HBP1: variants seen among roughly 807,000 people sequenced by gnomAD.
The protein encoded by HBP1 is HMG box-containing protein 1.
In HBP1, 20 loss-of-function variants were observed where a neutral mutation model predicts 62.6. The ratio of observed to expected loss-of-function variants is 0.32; its 90% confidence interval spans 0.22 to 0.46. HBP1 has a LOEUF of 0.46. Among genes scored for constraint, HBP1 ranks in the 20% least tolerant of loss-of-function variants. The probability of loss-of-function intolerance (pLI) is 1.00; values close to 1 mark genes in which losing one functional copy is unlikely to be tolerated. For synonymous variants in HBP1, 232 were observed against 206.2 expected, an observed-to-expected ratio of 1.12 and a Z score of -1.07; for missense variants, 480 against 611.8, an observed-to-expected ratio of 0.78 and a Z score of 2.27.
chr7:107,182,171 A>G (rs1167336985), intron 2 of HBP1, among the ~76,000 whole-genome samples: 3 of 152,208 alleles, frequency 2.0e-5, no homozygotes, highest in East Asian at 1.9e-4. Context: ...TAGGTGAGGT[A>G]CAAAACACTA....
At chr7:107,199,523 T>A (rs1460984004) in intron 9 of HBP1, among the ~76,000 whole-genome samples, 2 of 152,276 alleles carry the variant, frequency 1.3e-5, no homozygotes, top group African/African-American at 4.8e-5. Flanking sequence ...TTGGCTTCCA[T>A]ATCAGTCAGT....
In HBP1 at chr7:107,179,933, G is replaced by A. The variant is rs562659626; in HGVS notation, c.40G>A (p.Val14Ile). Residue 14 changes from valine (V) to isoleucine (I), a missense_variant, in exon 2 of 11, where the codon GTA becomes ATA. By Grantham distance (29) the Val-to-Ile change is conservative (BLOSUM62 3). This residue lies in a region of HBP1 where 304 missense variants were observed against 330.9 expected (regional missense o/e 0.92). Coordinates refer to ENST00000222574, the MANE Select transcript of HBP1 (RefSeq NM_012257.4). Reference sequence around the variant, plus strand: ...GAAGACAAATCAGATGCCTAATGCAGTACAGAAACTCCTGTTGGTGATGGA... The same window carrying A: ...GAAGACAAATCAGATGCCTAATGCAATACAGAAACTCCTGTTGGTGATGGA... ...EVKTNQMPNA[V>I]QKLLLVMDKR... The A allele has an allele frequency of 2.4e-5, 38 of 1,609,980 alleles. No homozygotes were observed. Among genetic ancestry groups the A allele is most frequent in the Admixed American group, 5.0e-5 (3 of 59,996 alleles).
chr7:107,198,101 G>C (rs747364863), intron 9 of HBP1, among the ~76,000 whole-genome samples: 40 of 152,002 alleles, frequency 2.6e-4, no homozygotes, highest in Non-Finnish European at 4.3e-4. Context: ...CTGGGGAACT[G>C]GACTATCCTG....
At chr7:107,199,080 G>A (rs995542587) in intron 9 of HBP1, among the ~76,000 whole-genome samples, 4 of 151,908 alleles carry the variant, frequency 2.6e-5, no homozygotes, top group African/African-American at 7.3e-5. Flanking sequence ...ATAAAAATTG[G>A]TTATCATTTT....
Position 107,169,126 on chromosome 7 carries a change from G to T in HBP1, c.-75G>T. Reference sequence around the variant, plus strand: ...CGGTCGGAGAGGGGGTACGAGAGCTGCTGGTGGTGTTGTCGTGGCCGGAGC... The same window carrying T: ...CGGTCGGAGAGGGGGTACGAGAGCTTCTGGTGGTGTTGTCGTGGCCGGAGC... On this transcript the variant is annotated 5_prime_UTR_variant, in exon 1 of 11. Coordinates refer to ENST00000222574, the MANE Select transcript of HBP1 (RefSeq NM_012257.4). 1 of 1,257,584 alleles carries T rather than the reference G, an allele frequency of 8.0e-7. No individual in the cohort carries two copies. Among genetic ancestry groups the T allele is most frequent in the Non-Finnish European group, 1.0e-6 (1 of 970,874 alleles). 77.9% of individuals were successfully genotyped at this position (1,257,584 alleles called of 1,614,324 possible).
Position 107,171,073 on chromosome 7 carries a change from A to ATATATAAAT in HBP1, c.-16+1889_-16+1890insATATAAATT. Among the ~76,000 whole-genome samples the ATATATAAAT allele has an allele frequency of 3.4e-5, 3 of 87,194 alleles. 1 individual carries two copies. The highest frequency in any genetic ancestry group is 2.0e-4 in the African/African-American group (3 of 15,086). 57.2% of individuals were successfully genotyped at this position (87,194 alleles called of 152,430 possible). ...TATATATATATATATATATATATAT[A>ATATATAAAT]TTTTTTTTTTTTTTTGAGAGGGAGT... is the stretch of plus-strand genomic sequence containing the variant. On this transcript the variant is annotated intron_variant, in intron 1 of 10. Transcript: ENST00000222574.
chr7:107,171,138 C>T (rs1796573290), intron 1 of HBP1, among the ~76,000 whole-genome samples: 2 of 135,860 alleles, frequency 1.5e-5, no homozygotes, highest in African/African-American at 3.0e-5. Context: ...GGTGCGATCT[C>T]GGCTCACTGC....
chr7:107,193,103 G>A (rs1245823889), intron 8 of HBP1: 19 of 152,178 alleles, frequency 1.2e-4, no homozygotes, highest in Admixed American at 1.2e-3. Flanking sequence ...TCTGTTGTAA[G>A]TAGCCCATTC....
intron 3 of HBP1, 33 bp downstream of exon 3, chr7:107,182,634 T>G (rs1343707217): frequency 8.7e-7 from 1 of 1,145,592 alleles, no homozygotes; most frequent in South Asian, 1.3e-5. Flanking sequence ...TATTGAAACA[T>G]TCTATCATTA....
intron 8 of HBP1, chr7:107,192,705 C>G (rs1006810978): frequency 6.6e-6 from 1 of 152,100 alleles, no homozygotes; most frequent in African/African-American, 2.4e-5. Context: ...CAAATTCTTA[C>G]CATTTGATCT....
chr7:107,201,392 G>C (rs1223968171), intron 10 of HBP1, 22 bp from the exon 11 acceptor site: 9 of 1,516,262 alleles, frequency 5.9e-6, no homozygotes, highest in African/African-American at 1.4e-5. Context: ...AACATTCACT[G>C]AGTTTAATTT....
intron 3 of HBP1, among the ~76,000 whole-genome samples, chr7:107,184,639 T>C (rs1015215191): frequency 6.6e-6 from 1 of 152,088 alleles, no homozygotes; most frequent in African/African-American, 2.4e-5. Flanking sequence ...GCCTCCCGAG[T>C]AGCTGGGACT....
At chr7:107,177,019 C>T (rs1365801376) in intron 1 of HBP1, among the ~76,000 whole-genome samples, 3 of 152,116 alleles carry the variant, frequency 2.0e-5, no homozygotes, top group African/African-American at 7.2e-5. Flanking sequence ...AACTGAATAG[C>T]TATCTGGTTT....
At chr7:107,182,724 A>C in intron 3 of HBP1, 123 bp downstream of exon 3, 5 of 587,058 alleles carry the variant, frequency 8.5e-6, no homozygotes, top group Non-Finnish European at 1.5e-5. Flanking sequence ...CATTAGAATT[A>C]AGCTCCTTAT....
intron 8 of HBP1, among the ~76,000 whole-genome samples, chr7:107,194,895 C>T (rs1300492499): frequency 6.6e-6 from 1 of 152,174 alleles, no homozygotes; most frequent in Non-Finnish European, 1.5e-5. Context: ...TGTGGCCTTT[C>T]CTGACAAAGG....
intron 1 of HBP1, chr7:107,174,880 T>C (rs1293164257): frequency 5.4e-6 from 1 of 185,952 alleles, no homozygotes; most frequent in East Asian, 1.9e-4. Context: ...ATACTTAAGA[T>C]GCCAGAAATA....
intron 2 of HBP1, among the ~76,000 whole-genome samples, chr7:107,180,587 AGTCACCTTGGCTTGCT>A (rs1797061244): frequency 6.6e-6 from 1 of 152,214 alleles, no homozygotes; most frequent in Non-Finnish European, 1.5e-5. Flanking sequence ...GGAGCTAATG[AGTCACCTTGGCTTGCT>A]GCCCAGCTTT....
intron 1 of HBP1, among the ~76,000 whole-genome samples, chr7:107,177,479 G>A (rs1410401425): frequency 1.3e-5 from 2 of 152,180 alleles, no homozygotes; most frequent in African/African-American, 4.8e-5. Context: ...TGGGCTATGT[G>A]TCAAGAACGC....
At chr7:107,198,250 G>A (rs910217926) in intron 9 of HBP1, among the ~76,000 whole-genome samples, 16 of 151,298 alleles carry the variant, frequency 1.1e-4, no homozygotes, top group Admixed American at 6.6e-4. Context: ...GCTCTGTCAC[G>A]CAGGCTGTAG....
Sources: allele counts gnomAD v4.1 joint callset (sites outside exome capture counted in the v4.1 genomes callset), GRCh38; gene constraint gnomAD v4.1.1; regional missense constraint gnomAD v4.1.1; transcripts MANE v1.5; gene names NCBI Gene and HGNC (gene_info 2026-07-23, HGNC 2026-07-21).